The following PPA2 variants were observed in gnomAD, a reference collection of about 807,000 sequenced individuals.
The protein encoded by PPA2 is inorganic pyrophosphatase 2, mitochondrial.
In PPA2, 48 loss-of-function variants were observed where a neutral mutation model predicts 49.5. That is an observed-to-expected ratio of 0.97 (90% CI 0.77 to 1.23). PPA2 has a LOEUF of 1.23. Among genes scored for constraint, PPA2 ranks in the 50% most tolerant of loss-of-function variants. The pLI, the probability that PPA2 is intolerant of heterozygous loss-of-function variation, is 0.00. For missense variants in PPA2, 429 were observed against 410.1 expected, an observed-to-expected ratio of 1.05 and a Z score of -0.40; for synonymous variants, 131 against 139.9, an observed-to-expected ratio of 0.94 and a Z score of 0.45.
intron 2 of PPA2, among the ~76,000 whole-genome samples, chr4:105,454,076 G>C (rs1001469755): frequency 2.0e-5 from 3 of 152,058 alleles, no homozygotes; most frequent in Admixed American, 2.0e-4. Flanking sequence ...TGATTACTAG[G>C]CCTCCACCAA....
chr4:105,445,339 C>A (rs968463311), intron 5 of PPA2, among the ~76,000 whole-genome samples: 11 of 152,112 alleles, frequency 7.2e-5, no homozygotes, highest in Non-Finnish European at 1.6e-4. Context: ...TATTTAAGTA[C>A]CTGGAGAGTT....
At chr4:105,453,491 T>C in intron 3 of PPA2, 107 bp downstream of exon 3, 2 of 784,974 alleles carry the variant, frequency 2.5e-6, no homozygotes, top group Non-Finnish European at 3.8e-6. Context: ...CATGAAAGTC[T>C]TGCAGGGGTA....
At chr4:105,418,002 C>G (rs1723089178) in intron 7 of PPA2, among the ~76,000 whole-genome samples, 1 of 152,134 alleles carries the variant, frequency 6.6e-6, no homozygotes, top group Non-Finnish European at 1.5e-5. Flanking sequence ...CTCAGTTTCT[C>G]TATCCTTAAA....
intron 1 of PPA2, among the ~76,000 whole-genome samples, chr4:105,464,958 G>A (rs1404549359): frequency 6.6e-6 from 1 of 151,966 alleles, no homozygotes; most frequent in Non-Finnish European, 1.5e-5. Context: ...TTTGTCTTCT[G>A]CATATTTATT....
chr4:105,473,575 G>C (rs771324616), intron 1 of PPA2: 2 of 549,518 alleles, frequency 3.6e-6, no homozygotes, highest in Non-Finnish European at 6.9e-6. Context: ...GCAGGCCGCC[G>C]CGGGGTGGCC....
chr4:105,385,951 T>C (rs907884098), intron 10 of PPA2, among the ~76,000 whole-genome samples: 1 of 151,420 alleles, frequency 6.6e-6, no homozygotes, highest in African/African-American at 2.4e-5. Context: ...ATAATCTTAG[T>C]TCACTGCAAC....
At chr4:105,455,564 C>T (rs747619494) in intron 2 of PPA2, among the ~76,000 whole-genome samples, 17 of 152,242 alleles carry the variant, frequency 1.1e-4, no homozygotes, top group Middle Eastern at 3.4e-3. Flanking sequence ...AATGTAAAGC[C>T]AGAAGGATTG....
intron 9 of PPA2, among the ~76,000 whole-genome samples, chr4:105,391,094 T>C (rs1191124383): frequency 2.6e-5 from 4 of 151,818 alleles, no homozygotes; most frequent in African/African-American, 9.7e-5. Context: ...AGCAGAAAAC[T>C]AAACACCACA....
chr4:105,395,405 T>C (rs928619322), intron 9 of PPA2, among the ~76,000 whole-genome samples: 9 of 145,944 alleles, frequency 6.2e-5, no homozygotes, highest in Non-Finnish European at 1.4e-4. Context: ...CCTCCTATAC[T>C]TAGACTTACC....
chr4:105,374,977 C>A (rs1449198098), intron 10 of PPA2, among the ~76,000 whole-genome samples: 1 of 151,738 alleles, frequency 6.6e-6, no homozygotes, highest in African/African-American at 2.4e-5. Flanking sequence ...CAGGTGTGAG[C>A]CACTGTGCCC....
intron 7 of PPA2, among the ~76,000 whole-genome samples, chr4:105,402,878 T>A (rs1436046721): frequency 6.6e-6 from 1 of 152,062 alleles, no homozygotes; most frequent in Admixed American, 6.5e-5. Context: ...TTTTAGAAAG[T>A]AAAACTCAGA....
chr4:105,458,633 C>T (rs1020177818), intron 1 of PPA2, among the ~76,000 whole-genome samples: 2 of 151,728 alleles, frequency 1.3e-5, no homozygotes, highest in Non-Finnish European at 2.9e-5. Context: ...ACCAACCTGA[C>T]CAACATGGCA....
chr4:105,384,434 T>C (rs1208519247), intron 10 of PPA2, among the ~76,000 whole-genome samples: 1 of 152,176 alleles, frequency 6.6e-6, no homozygotes, highest in Non-Finnish European at 1.5e-5. Flanking sequence ...TTGCCACTAA[T>C]GTGACAGAAA....
intron 7 of PPA2, among the ~76,000 whole-genome samples, chr4:105,408,520 G>A (rs1578829378): frequency 6.6e-6 from 1 of 152,186 alleles, no homozygotes; most frequent in African/African-American, 2.4e-5. Context: ...AGCAAGATAT[G>A]ATAGTTTAAC....
intron 7 of PPA2, chr4:105,405,793 G>C (rs1451143230): frequency 1.9e-6 from 1 of 516,796 alleles, no homozygotes; most frequent in Admixed American, 2.4e-5. Flanking sequence ...AGACCCAAGA[G>C]GGAACAAAAA....
intron 9 of PPA2, among the ~76,000 whole-genome samples, chr4:105,393,503 T>C (rs1398837248): frequency 7.0e-5 from 10 of 143,734 alleles, no homozygotes; most frequent in African/African-American, 2.0e-4. Context: ...ATAATAATAA[T>C]AATAATAATA....
intron 7 of PPA2, among the ~76,000 whole-genome samples, chr4:105,421,647 C>T (rs896196662): frequency 7.2e-5 from 11 of 151,996 alleles, no homozygotes; most frequent in African/African-American, 1.9e-4. Context: ...TTTTTTTCCT[C>T]GGTCTCTGTA....
chr4:105,468,867 A>G (rs1321105204), intron 1 of PPA2, among the ~76,000 whole-genome samples: 2 of 152,178 alleles, frequency 1.3e-5, no homozygotes, highest in Non-Finnish European at 2.9e-5. Context: ...CCCTGTGTTA[A>G]GTTCTACATC....
At chr4:105,421,299 G>A (rs1723241662) in intron 7 of PPA2, among the ~76,000 whole-genome samples, 1 of 152,174 alleles carries the variant, frequency 6.6e-6, no homozygotes, top group African/African-American at 2.4e-5. Flanking sequence ...ATCATTTACA[G>A]AAGGAAGCAA....
Sources: allele counts gnomAD v4.1 joint callset (sites outside exome capture counted in the v4.1 genomes callset), GRCh38; gene constraint gnomAD v4.1.1; transcripts MANE v1.5; gene names NCBI Gene and HGNC (gene_info 2026-07-23, HGNC 2026-07-21).